Variants in PCDHA9 observed in about 807,000 individuals in gnomAD.
PCDHA9 encodes the protein protocadherin alpha 9, also known as protocadherin alpha-9.
Under a neutral mutation model 62.0 loss-of-function variants are expected in PCDHA9, and 62 were observed. The ratio of observed to expected loss-of-function variants is 1.00; its 90% confidence interval spans 0.81 to 1.23. The LOEUF is 1.23. PCDHA9 is among the 50% of genes most tolerant of loss of function. The pLI is 0.00. For synonymous variants in PCDHA9, 557 were observed against 567.6 expected (o/e 0.98, Z 0.27); for missense variants, 1,205 against 1,249.8 (o/e 0.96, Z 0.54).
At chr5:141,001,265 T>C (rs71583613) in intron 3 of PCDHA9, among the ~76,000 whole-genome samples, 24 of 152,168 alleles carry the variant, frequency 1.6e-4, no homozygotes, top group Admixed American at 7.2e-4. Flanking sequence ...GGCACTCTTA[T>C]GAACTTTTTT....
At chr5:140,987,011 C>G (rs1266225593) in intron 3 of PCDHA9, among the ~76,000 whole-genome samples, 1 of 151,990 alleles carries the variant, frequency 6.6e-6, no homozygotes, top group African/African-American at 2.4e-5. Context: ...GTCATGAGTT[C>G]GAGACCAGCC....
intron 1 of PCDHA9, chr5:140,857,730 C>T (rs782671299): frequency 6.3e-7 from 1 of 1,597,474 alleles, no homozygotes. Context: ...AACGACAACG[C>T]TCCCGCGCTG....
At chr5:140,875,278 T>A in intron 1 of PCDHA9, 1 of 1,326,774 alleles carries the variant, frequency 7.5e-7, no homozygotes, top group Non-Finnish European at 9.9e-7. Context: ...ACTCAGAAGG[T>A]GAAACAGGAA....
chr5:140,864,844 C>T (rs894176807), intron 1 of PCDHA9: 3 of 152,100 alleles, frequency 2.0e-5, no homozygotes, highest in Admixed American at 2.0e-4. Context: ...AGAGAGTCTT[C>T]CCATACATGA....
At chr5:140,992,095 G>T (rs1554252652) in intron 3 of PCDHA9, among the ~76,000 whole-genome samples, 1 of 151,540 alleles carries the variant, frequency 6.6e-6, no homozygotes, top group East Asian at 1.9e-4. Context: ...TAGAGAAAGA[G>T]AATTAAGGTG....
intron 1 of PCDHA9, among the ~76,000 whole-genome samples, chr5:140,965,277 G>A (rs1209263426): frequency 6.6e-6 from 1 of 152,196 alleles, no homozygotes; most frequent in African/African-American, 2.4e-5. Context: ...CAATGACACA[G>A]CATGGAAAGA....
intron 3 of PCDHA9, among the ~76,000 whole-genome samples, chr5:140,992,036 TG>T (rs2097488420): frequency 6.6e-6 from 1 of 151,818 alleles, no homozygotes; most frequent in African/African-American, 2.4e-5. Flanking sequence ...TGTGTGTGTG[TG>T]TGTGTGTGTG....
rs781995177 is a variant in PCDHA9 at position 140,857,719 on chromosome 5, G to T, written c.2394+6830G>T. 3.8e-6 allele frequency: 6 copies of T among 1,597,526 alleles called. No homozygotes were observed. The South Asian group carries it at 5.5e-5, about 15-fold the overall frequency. The stretch of plus-strand genomic sequence containing the variant: ...CGCTGCAGGTGTTCGTGCTGGACGA[G>T]AACGACAACGCTCCCGCGCTGCTGG... On this transcript the variant is annotated intron_variant, in intron 1 of 3. Transcript: ENST00000532602.
At chr5:140,913,379 C>T (rs1554195889) in intron 1 of PCDHA9, among the ~76,000 whole-genome samples, 1 of 152,134 alleles carries the variant, frequency 6.6e-6, no homozygotes, top group Non-Finnish European at 1.5e-5. Context: ...CATATAGTGG[C>T]TCATCATAGC....
intron 3 of PCDHA9, among the ~76,000 whole-genome samples, chr5:140,999,980 C>A (rs1386394350): frequency 6.6e-6 from 1 of 152,076 alleles, no homozygotes; most frequent in Non-Finnish European, 1.5e-5. Context: ...GCTCTAGCGG[C>A]CTCTGGGTAG....
At chr5:140,928,321 A>G (rs1296238254) in intron 1 of PCDHA9, 1 of 1,614,162 alleles carries the variant, frequency 6.2e-7, no homozygotes, top group Non-Finnish European at 8.5e-7. Context: ...CCTGGGGAAG[A>G]ATGGCCTTGT....
At chr5:140,944,226 C>T (rs988249626) in intron 1 of PCDHA9, among the ~76,000 whole-genome samples, 3 of 152,126 alleles carry the variant, frequency 2.0e-5, no homozygotes, top group Admixed American at 2.0e-4. Flanking sequence ...TTTACTCTGT[C>T]GCTCAGGCTG....
chr5:140,937,921 A>G (rs1304092674), intron 1 of PCDHA9, among the ~76,000 whole-genome samples: 2 of 152,184 alleles, frequency 1.3e-5, no homozygotes, highest in Non-Finnish European at 2.9e-5. Flanking sequence ...CAAAAAAAAA[A>G]AAAAAAGTTT....
intron 1 of PCDHA9, among the ~76,000 whole-genome samples, chr5:140,969,735 T>A (rs1029423690): frequency 2.6e-5 from 4 of 152,188 alleles, no homozygotes; most frequent in Non-Finnish European, 5.9e-5. Flanking sequence ...TGAAATCCTA[T>A]ATGAGTGATG....
rs782453395 is a variant in PCDHA9 at position 140,875,890 on chromosome 5, G to A, written c.2394+25001G>A. 2.4e-5 allele frequency: 38 copies of A among 1,614,180 alleles called. No homozygotes were observed. The South Asian group carries it at 4.1e-4, about 17-fold the overall frequency. On this transcript the variant is annotated intron_variant, in intron 1 of 3. Coordinates refer to ENST00000532602, the MANE Select transcript of PCDHA9 (RefSeq NM_031857.2). Reference sequence around the variant, plus strand: ...GGTGTTCAGAGAAAGGGAACAAAAGGTACCTGTTTCTGAATCTGCGCCTCT... The same window carrying A: ...GGTGTTCAGAGAAAGGGAACAAAAGATACCTGTTTCTGAATCTGCGCCTCT...
intron 1 of PCDHA9, among the ~76,000 whole-genome samples, chr5:140,936,745 T>C (rs2091123001): frequency 6.6e-6 from 1 of 152,234 alleles, no homozygotes; most frequent in Non-Finnish European, 1.5e-5. Context: ...ACTTTTCATT[T>C]GTATTGATAT....
At chr5:140,913,021 A>G (rs548086979) in intron 1 of PCDHA9, among the ~76,000 whole-genome samples, 1 of 152,154 alleles carries the variant, frequency 6.6e-6, no homozygotes, top group South Asian at 2.1e-4. Context: ...TTTTGCATCA[A>G]TATTCATCAG....
intron 1 of PCDHA9, among the ~76,000 whole-genome samples, chr5:140,923,134 G>A (rs962370475): frequency 3.9e-5 from 6 of 152,106 alleles, no homozygotes; most frequent in African/African-American, 1.2e-4. Flanking sequence ...CACTTTGAAG[G>A]TGGAATATAA....
chr5:140,968,553 G>C (rs782583876), intron 1 of PCDHA9: 4 of 1,614,132 alleles, frequency 2.5e-6, no homozygotes, highest in South Asian at 1.1e-5. Context: ...ATGGTGCCTC[G>C]AACTGCCCCT....
Sources: allele counts gnomAD v4.1 joint callset (sites outside exome capture counted in the v4.1 genomes callset), GRCh38; gene constraint gnomAD v4.1.1; transcripts MANE v1.5; gene names NCBI Gene and HGNC (gene_info 2026-07-23, HGNC 2026-07-21).